The following ZRANB3 variants were observed in gnomAD, a reference collection of about 807,000 sequenced individuals.
The protein encoded by ZRANB3 is DNA annealing helicase and endonuclease ZRANB3.
A neutral mutation model predicts 133.8 loss-of-function variants in ZRANB3; 125 were observed. The observed-to-expected ratio is 0.93, with a 90% CI of 0.81 to 1.08. The LOEUF is 1.08. ZRANB3 is among the 50% of genes least tolerant of loss of function. ZRANB3 has a pLI of 0.00. For missense variants in ZRANB3, 1,229 were observed against 1,275.5 expected (o/e 0.96, Z 0.56); for synonymous variants, 387 against 432.7 (o/e 0.89, Z 1.31).
At chr2:135,262,159 C>CAAAA (rs755264566) in intron 12 of ZRANB3, among the ~76,000 whole-genome samples, 12 of 63,864 alleles carry the variant, frequency 1.9e-4, no homozygotes, top group Middle Eastern at 9.4e-3. Flanking sequence ...ACTCCATCTC[C>CAAAA]AAAAAAAAAA....
At chr2:135,489,027 T>G (rs902605456) in intron 2 of ZRANB3, among the ~76,000 whole-genome samples, 3 of 151,982 alleles carry the variant, frequency 2.0e-5, no homozygotes, top group Non-Finnish European at 2.9e-5. Flanking sequence ...TAGGTGTTAG[T>G]CTATAACATT....
At chr2:135,488,474 T>C (rs563759131) in intron 2 of ZRANB3, among the ~76,000 whole-genome samples, 1 of 151,640 alleles carries the variant, frequency 6.6e-6, no homozygotes, top group Non-Finnish European at 1.5e-5. Context: ...CAAAGTATGC[T>C]ATATAATCAA....
chr2:135,365,538 CAT>C (rs759507497), intron 3 of ZRANB3, among the ~76,000 whole-genome samples: 3 of 152,012 alleles, frequency 2.0e-5, no homozygotes, highest in Non-Finnish European at 4.4e-5. Flanking sequence ...GAAAATATAA[CAT>C]ATTCTTAAAA....
At chr2:135,214,688 G>A (rs916424068) in intron 17 of ZRANB3, among the ~76,000 whole-genome samples, 2 of 152,106 alleles carry the variant, frequency 1.3e-5, no homozygotes, top group East Asian at 3.8e-4. Flanking sequence ...ATATGTGTGC[G>A]TGTGTGCACT....
intron 5 of ZRANB3, among the ~76,000 whole-genome samples, chr2:135,348,172 T>C (rs989758896): frequency 6.6e-6 from 1 of 151,754 alleles, no homozygotes; most frequent in South Asian, 2.1e-4. Context: ...GGCAGAAGAA[T>C]TGCTTGAACC....
At chr2:135,503,455 T>G (rs1693037267) in intron 2 of ZRANB3, among the ~76,000 whole-genome samples, 1 of 152,134 alleles carries the variant, frequency 6.6e-6, no homozygotes, top group Admixed American at 6.5e-5. Flanking sequence ...CATAATAAAA[T>G]GTTGAAGAGA....
chr2:135,286,712 T>G (rs1030026247), intron 8 of ZRANB3, among the ~76,000 whole-genome samples: 4 of 152,206 alleles, frequency 2.6e-5, no homozygotes, highest in African/African-American at 9.6e-5. Flanking sequence ...TTGCATATCT[T>G]CTTTTGAGAA....
intron 15 of ZRANB3, among the ~76,000 whole-genome samples, chr2:135,221,057 A>T (rs1694533611): frequency 6.6e-6 from 1 of 151,838 alleles, no homozygotes; most frequent in African/African-American, 2.4e-5. Flanking sequence ...GGGTTTCACC[A>T]TATTGGCCAG....
In ZRANB3 at chr2:135,230,713, T is replaced by C. The variant is rs776522807; in HGVS notation, c.1754A>G (p.Asp585Gly). 31 of 1,612,906 alleles carry C rather than the reference T, an allele frequency of 1.9e-5. No homozygotes were observed. Among genetic ancestry groups the C allele is most frequent in the South Asian group, 3.3e-5 (3 of 90,648 alleles). ...TKRLKLAASE[D>G]HCSPSEETPS... ...TGTCTCTTCCGACGGACTGCAGTGG[T>C]CTTCCGAGGCAGCCAATTTCAATCT... Residue 585 changes from aspartate to glycine, a missense_variant, in exon 13 of 21, where the codon GAC becomes GGC. Coordinates refer to ENST00000264159, the MANE Select transcript of ZRANB3 (RefSeq NM_032143.4).
intron 8 of ZRANB3, among the ~76,000 whole-genome samples, chr2:135,306,485 G>C (rs1682709134): frequency 6.6e-6 from 1 of 150,548 alleles, no homozygotes; most frequent in Non-Finnish European, 1.5e-5. Flanking sequence ...GTGGAGACAG[G>C]GTTTCACCAT....
chr2:135,458,881 T>C (rs1253287664), intron 2 of ZRANB3, among the ~76,000 whole-genome samples: 1 of 152,040 alleles, frequency 6.6e-6, no homozygotes, highest in Non-Finnish European at 1.5e-5. Context: ...TCCCAAATTA[T>C]AAAAAGGGAC....
At chr2:135,446,505 C>T (rs1204565124) in intron 2 of ZRANB3, among the ~76,000 whole-genome samples, 1 of 152,100 alleles carries the variant, frequency 6.6e-6, no homozygotes, top group Admixed American at 6.6e-5. Context: ...GTATGACTGC[C>T]AGCCAGAGCA....
In ZRANB3 at chr2:135,336,606, T is replaced by G. The variant is rs190483253; in HGVS notation, c.677+8944A>C. ...GAAAGAAAATGCCTTTTGAGAAGCA[T>G]GATATTAATCTTGAAATGGCTTTCT... On this transcript the variant is annotated intron_variant, in intron 6 of 20. Transcript: ENST00000264159. Among the ~76,000 whole-genome samples the G allele has an allele frequency of 7.2e-5, 11 of 152,322 alleles. No individual in the cohort carries two copies. The East Asian group carries it at 1.9e-3, about 27-fold the overall frequency.
intron 15 of ZRANB3, among the ~76,000 whole-genome samples, chr2:135,224,101 A>G (rs1195631248): frequency 6.6e-6 from 1 of 152,234 alleles, no homozygotes; most frequent in Admixed American, 6.5e-5. Context: ...CTGGCATACA[A>G]TGTGTAATAA....
chr2:135,368,342 A>G (rs1686026790), intron 3 of ZRANB3, among the ~76,000 whole-genome samples: 1 of 152,066 alleles, frequency 6.6e-6, no homozygotes, highest in African/African-American at 2.4e-5. Context: ...AACAATAAAC[A>G]ATAAATAATG....
chr2:135,475,981 G>A (rs1661993936), intron 2 of ZRANB3, among the ~76,000 whole-genome samples: 1 of 152,130 alleles, frequency 6.6e-6, no homozygotes. Context: ...GGGAGGCTGA[G>A]GCAAGAGAAT....
intron 12 of ZRANB3, among the ~76,000 whole-genome samples, chr2:135,251,775 AC>A (rs1206847016): frequency 6.6e-6 from 1 of 152,110 alleles, no homozygotes; most frequent in East Asian, 1.9e-4. Context: ...GGTGGCTCAC[AC>A]CTGTAATCCC....
At chr2:135,519,614 T>G (rs1693839240) in intron 1 of ZRANB3, among the ~76,000 whole-genome samples, 2 of 152,216 alleles carry the variant, frequency 1.3e-5, no homozygotes, top group African/African-American at 4.8e-5. Context: ...TTTTAAATAT[T>G]AATATACTGG....
In ZRANB3 at chr2:135,450,465, G is replaced by A. The variant is rs531360971; in HGVS notation, c.161+53864C>T. On this transcript the variant is annotated intron_variant, in intron 2 of 20. Coordinates refer to ENST00000264159, the MANE Select transcript of ZRANB3 (RefSeq NM_032143.4). ...CTGAGGCTCAGAGAGGTTAAGTAAC[G>A]TATCCAAGGTCAAACAGCTAGTAGT... Among the ~76,000 whole-genome samples, 9 of 152,060 alleles carry A rather than the reference G, an allele frequency of 5.9e-5. No homozygotes were observed. The East Asian group carries it at 1.5e-3, about 26-fold the overall frequency.
Sources: gnomAD v4.1 joint callset for allele counts (sites outside exome capture counted in the v4.1 genomes callset) on GRCh38, gnomAD v4.1.1 for gene constraint, MANE v1.5 for transcripts, NCBI Gene and HGNC (gene_info 2026-07-23, HGNC 2026-07-21) for gene names.